The following PALM2AKAP2 variants were observed in gnomAD, a reference collection of about 807,000 sequenced individuals.
PALM2AKAP2 encodes PALM2 and AKAP2 fusion.
In PALM2AKAP2, 37 loss-of-function variants were observed where a neutral mutation model predicts 71.5. The observed-to-expected ratio is 0.52, with a 90% CI of 0.40 to 0.68. PALM2AKAP2 has a LOEUF of 0.68. PALM2AKAP2 is among the 30% of genes least tolerant of loss of function. PALM2AKAP2 has a pLI of 0.00. For synonymous variants in PALM2AKAP2, 468 were observed against 478.8 expected, an observed-to-expected ratio of 0.98 and a Z score of 0.29; for missense variants, 1,224 against 1,191.8, an observed-to-expected ratio of 1.03 and a Z score of -0.40.
chr9:110,032,686 G>A (rs1480449889), intron 7 of PALM2AKAP2, among the ~76,000 whole-genome samples: 1 of 141,222 alleles, frequency 7.1e-6, no homozygotes, highest in African/African-American at 2.7e-5. Flanking sequence ...GTGAGATTCT[G>A]TCTCAAAATA....
intron 3 of PALM2AKAP2, 58 bp from the exon 11 acceptor site, chr9:110,168,341 T>C: frequency 6.3e-7 from 1 of 1,581,620 alleles, no homozygotes; most frequent in Non-Finnish European, 8.6e-7. Flanking sequence ...GAGAAGTCGG[T>C]TTATGTTCAT....
chr9:110,043,457 G>C (rs1833540504), intron 7 of PALM2AKAP2, among the ~76,000 whole-genome samples: 1 of 152,000 alleles, frequency 6.6e-6, no homozygotes, highest in South Asian at 2.1e-4. Flanking sequence ...TATCTCTAGA[G>C]TTATCACCAA....
intron 7 of PALM2AKAP2, among the ~76,000 whole-genome samples, chr9:110,040,902 T>A (rs1833501409): frequency 6.6e-6 from 1 of 152,194 alleles, no homozygotes; most frequent in Non-Finnish European, 1.5e-5. Context: ...GCATATTTTA[T>A]GTTTTCAGTG....
intron 3 of PALM2AKAP2, among the ~76,000 whole-genome samples, chr9:109,919,190 C>T (rs913240269): frequency 1.3e-5 from 2 of 152,336 alleles, no homozygotes; most frequent in Admixed American, 1.3e-4. Flanking sequence ...ACCAAACAAG[C>T]TCCATAAATG....
intron 1 of PALM2AKAP2, among the ~76,000 whole-genome samples, chr9:110,088,703 G>GTTTTTTTTT (rs71373964): frequency 1.6e-4 from 12 of 75,632 alleles, no homozygotes; most frequent in African/African-American, 2.8e-4. Context: ...GCATTTACGT[G>GTTTTTTTTT]TTTTTTTTTT....
intron 1 of PALM2AKAP2, among the ~76,000 whole-genome samples, chr9:109,691,929 TATATATATATACAC>T (rs1331637408): frequency 4.8e-4 from 56 of 117,710 alleles, no homozygotes; most frequent in African/African-American, 1.5e-3. Flanking sequence ...TATATACACA[TATATATATATACAC>T]ATATATATAT....
At chr9:110,066,886 A>C (rs1318980720) in intron 1 of PALM2AKAP2, among the ~76,000 whole-genome samples, 1 of 152,126 alleles carries the variant, frequency 6.6e-6, no homozygotes, top group Non-Finnish European at 1.5e-5. Flanking sequence ...GCAGGTATTC[A>C]TGATGCCTGT....
chr9:109,769,336 G>A (rs1189066439), intron 1 of PALM2AKAP2, among the ~76,000 whole-genome samples: 4 of 152,176 alleles, frequency 2.6e-5, no homozygotes, highest in Admixed American at 6.5e-5. Context: ...CAGAGGGCAA[G>A]TGTGAAATCT....
chr9:110,114,272 G>A (rs1835314036), intron 1 of PALM2AKAP2, among the ~76,000 whole-genome samples: 1 of 152,088 alleles, frequency 6.6e-6, no homozygotes, highest in Non-Finnish European at 1.5e-5. Flanking sequence ...TCCAAATTCT[G>A]CCTCCAGATT....
At chr9:109,948,442 T>G (rs1169915344) in intron 6 of PALM2AKAP2, among the ~76,000 whole-genome samples, 1 of 152,224 alleles carries the variant, frequency 6.6e-6, no homozygotes, top group Non-Finnish European at 1.5e-5. Flanking sequence ...TATGTAATTT[T>G]GGGGACTGCA....
At chr9:109,889,179 G>A (rs989465121) in intron 3 of PALM2AKAP2, among the ~76,000 whole-genome samples, 9 of 152,226 alleles carry the variant, frequency 5.9e-5, no homozygotes, top group Non-Finnish European at 1.3e-4. Context: ...AGCCATGAAA[G>A]TCTGTTCAGA....
intron 3 of PALM2AKAP2, among the ~76,000 whole-genome samples, chr9:109,913,294 G>A (rs1252578398): frequency 6.6e-6 from 1 of 152,208 alleles, no homozygotes; most frequent in African/African-American, 2.4e-5. Flanking sequence ...TGTTTAAAAT[G>A]TATACTTAGG....
At chr9:109,730,355 AGC>A (rs1828537215) in intron 1 of PALM2AKAP2, among the ~76,000 whole-genome samples, 1 of 152,222 alleles carries the variant, frequency 6.6e-6, no homozygotes, top group Non-Finnish European at 1.5e-5. Context: ...CCAAAACATA[AGC>A]ATTATACTAG....
At chr9:109,879,771 G>A (rs141734262) in intron 2 of PALM2AKAP2, among the ~76,000 whole-genome samples, 4,466 of 149,118 alleles carry the variant, frequency 0.03, 94 homozygotes, top group Non-Finnish European at 0.043. Context: ...GTCACAGCTC[G>A]CTGCAGCCTT....
chr9:110,149,448 G>A (rs1437851868), intron 2 of PALM2AKAP2, among the ~76,000 whole-genome samples: 3 of 152,128 alleles, frequency 2.0e-5, no homozygotes, highest in Non-Finnish European at 4.4e-5. Context: ...AACTTTTCTG[G>A]TTTGTTTTAT....
chr9:109,947,134 A>T (rs1385725359), intron 6 of PALM2AKAP2, among the ~76,000 whole-genome samples: 1 of 152,264 alleles, frequency 6.6e-6, no homozygotes. Context: ...CCTTCTGAGC[A>T]ATCTTAGAAT....
chr9:109,696,397 G>A (rs1410715328), intron 1 of PALM2AKAP2, among the ~76,000 whole-genome samples: 1 of 152,160 alleles, frequency 6.6e-6, no homozygotes, highest in Non-Finnish European at 1.5e-5. Flanking sequence ...GCAACAAGAT[G>A]CCATCTTCTG....
intron 1 of PALM2AKAP2, among the ~76,000 whole-genome samples, chr9:109,817,331 A>C (rs1827879278): frequency 1.3e-5 from 2 of 152,318 alleles, no homozygotes; most frequent in Non-Finnish European, 2.9e-5. Context: ...TCTGTGATAC[A>C]TGCTGGGCAT....
chr9:109,987,375 C>T (rs2132223119), intron 6 of PALM2AKAP2, among the ~76,000 whole-genome samples: 1 of 152,216 alleles, frequency 6.6e-6, no homozygotes, highest in East Asian at 1.9e-4. Context: ...GTGATTCGCC[C>T]ACCTCAGCCT....
Sources: allele counts gnomAD v4.1 joint callset (sites outside exome capture counted in the v4.1 genomes callset), GRCh38; gene constraint gnomAD v4.1.1; transcripts MANE v1.5; gene names NCBI Gene and HGNC (gene_info 2026-07-23, HGNC 2026-07-21).